NRXN3: variants seen among roughly 807,000 people sequenced by gnomAD.
NRXN3 encodes neurexin III.
NRXN3 carries 32 observed loss-of-function variants against 137.6 expected under a neutral mutation model. That is an observed-to-expected ratio of 0.23 (90% confidence interval 0.18 to 0.31). The LOEUF (loss-of-function observed/expected upper bound fraction) is 0.31. Ranked by LOEUF, NRXN3 falls within the 10% of genes least tolerant of loss-of-function variation. The pLI is 1.00. For missense variants in NRXN3, 1,574 were observed against 2,062.5 expected, an observed-to-expected ratio of 0.76 and a Z score of 4.59; for synonymous variants, 798 against 784.5, an observed-to-expected ratio of 1.02 and a Z score of -0.29.
chr14:79,770,779 C>T (rs1287965654), intron 19 of NRXN3, among the ~76,000 whole-genome samples: 1 of 151,070 alleles, frequency 6.6e-6, no homozygotes, highest in Non-Finnish European at 1.5e-5. Context: ...AAAATCAGAG[C>T]AGAACTGAAG....
intron 6 of NRXN3, among the ~76,000 whole-genome samples, chr14:78,677,283 C>T (rs1032044786): frequency 2.6e-5 from 4 of 152,010 alleles, no homozygotes; most frequent in Non-Finnish European, 4.4e-5. Flanking sequence ...AAAATATCAA[C>T]ATTAACAGGA....
chr14:78,419,726 A>C (rs529429275), intron 4 of NRXN3, among the ~76,000 whole-genome samples: 1 of 152,290 alleles, frequency 6.6e-6, no homozygotes, highest in African/African-American at 2.4e-5. Context: ...GAATAATTAA[A>C]GGTTAAACAA....
At chr14:79,399,577 A>G (rs1401713033) in intron 15 of NRXN3, among the ~76,000 whole-genome samples, 4 of 152,198 alleles carry the variant, frequency 2.6e-5, no homozygotes, top group Admixed American at 2.6e-4. Flanking sequence ...TCATTAGATG[A>G]GGAGAAAAAA....
chr14:79,566,561 G>A (rs1007890915), intron 16 of NRXN3, among the ~76,000 whole-genome samples: 2 of 151,964 alleles, frequency 1.3e-5, no homozygotes, highest in Non-Finnish European at 2.9e-5. Context: ...GAGGCCCTGG[G>A]GCTTCATTGC....
chr14:78,713,107 G>A (rs1163764652), intron 7 of NRXN3, among the ~76,000 whole-genome samples: 3 of 152,098 alleles, frequency 2.0e-5, no homozygotes, highest in African/African-American at 7.2e-5. Context: ...TTTCCAGTTC[G>A]GGAAATTGAG....
At chr14:79,639,996 T>C (rs1287012916) in intron 16 of NRXN3, among the ~76,000 whole-genome samples, 1 of 136,456 alleles carries the variant, frequency 7.3e-6, no homozygotes, top group Admixed American at 7.7e-5. Flanking sequence ...CAGTTATCCA[T>C]ATAGGAATAT....
chr14:78,690,369 G>C (rs1327878912), intron 6 of NRXN3, among the ~76,000 whole-genome samples: 1 of 152,180 alleles, frequency 6.6e-6, no homozygotes, highest in Non-Finnish European at 1.5e-5. Flanking sequence ...GTCAATGAGA[G>C]ACTTAATCCA....
intron 20 of NRXN3, among the ~76,000 whole-genome samples, chr14:79,817,198 G>A (rs1253875743): frequency 2.0e-5 from 3 of 152,124 alleles, no homozygotes; most frequent in African/African-American, 4.8e-5. Flanking sequence ...GACTACAGGC[G>A]TGTGCCACCA....
At chr14:79,049,581 C>T (rs2099638952) in intron 15 of NRXN3, among the ~76,000 whole-genome samples, 1 of 152,290 alleles carries the variant, frequency 6.6e-6, no homozygotes, top group Admixed American at 6.5e-5. Context: ...CATGAATGCT[C>T]TTAATGGCAT....
At chr14:79,044,605 A>G (rs1286257456) in intron 15 of NRXN3, among the ~76,000 whole-genome samples, 2 of 152,134 alleles carry the variant, frequency 1.3e-5, no homozygotes, top group Non-Finnish European at 2.9e-5. Flanking sequence ...ACTTTTGAAA[A>G]CATAGTTGAC....
chr14:78,673,556 C>T (rs59395792), intron 6 of NRXN3, among the ~76,000 whole-genome samples: 1 of 152,174 alleles, frequency 6.6e-6, no homozygotes, highest in African/African-American at 2.4e-5. Flanking sequence ...TCAGGCTGCC[C>T]TAACAGAATA....
intron 16 of NRXN3, among the ~76,000 whole-genome samples, chr14:79,494,397 TCTC>T (rs2096746469): frequency 6.6e-6 from 1 of 152,044 alleles, no homozygotes; most frequent in South Asian, 2.1e-4. Flanking sequence ...TTTCAAATAA[TCTC>T]CTAGAAACTT....
intron 8 of NRXN3, among the ~76,000 whole-genome samples, chr14:78,762,679 TTAA>T (rs2152979080): frequency 6.6e-6 from 1 of 152,268 alleles, no homozygotes; most frequent in East Asian, 1.9e-4. Context: ...AGTTGAATAA[TTAA>T]TGTAATAATA....
intron 15 of NRXN3, among the ~76,000 whole-genome samples, chr14:79,153,798 T>C (rs1457010837): frequency 6.6e-6 from 1 of 151,958 alleles, no homozygotes; most frequent in African/African-American, 2.4e-5. Flanking sequence ...TTTAAATTTA[T>C]CCAGTATTTG....
chr14:78,317,307 G>A (rs372360116), intron 4 of NRXN3, among the ~76,000 whole-genome samples: 2 of 152,178 alleles, frequency 1.3e-5, no homozygotes, highest in African/African-American at 4.8e-5. Flanking sequence ...GAACCAGGCC[G>A]CACAGCAAGA....
intron 10 of NRXN3, among the ~76,000 whole-genome samples, chr14:78,896,089 C>G (rs1314717828): frequency 1.3e-5 from 2 of 151,830 alleles, no homozygotes; most frequent in African/African-American, 4.8e-5. Flanking sequence ...TTGACTTGCT[C>G]AACCAACGGT....
At chr14:79,145,255 A>G (rs140990751) in intron 15 of NRXN3, among the ~76,000 whole-genome samples, 1 of 152,298 alleles carries the variant, frequency 6.6e-6, no homozygotes, top group East Asian at 1.9e-4. Context: ...GAAATTTTAC[A>G]TCTTTTGATC....
chr14:78,570,028 G>T (rs2096875317), intron 4 of NRXN3, among the ~76,000 whole-genome samples: 1 of 152,168 alleles, frequency 6.6e-6, no homozygotes, highest in Admixed American at 6.5e-5. Context: ...TTGAAAATGG[G>T]GATAATGTGT....
chr14:79,357,735 T>C (rs1426680687), intron 15 of NRXN3, among the ~76,000 whole-genome samples: 1 of 152,198 alleles, frequency 6.6e-6, no homozygotes, highest in Non-Finnish European at 1.5e-5. Context: ...TACATACCTT[T>C]AGAAGGATTC....
Sources: gnomAD v4.1 joint callset for allele counts (sites outside exome capture counted in the v4.1 genomes callset) on GRCh38, gnomAD v4.1.1 for gene constraint, MANE v1.5 for transcripts, NCBI Gene and HGNC (gene_info 2026-07-23, HGNC 2026-07-21) for gene names.